The following HHLA2 variants were observed in gnomAD, a reference collection of about 807,000 sequenced individuals.
The protein encoded by HHLA2 is HERV-H LTR-associating protein 2.
Under a neutral mutation model 45.9 loss-of-function variants are expected in HHLA2, and 48 were observed. That is an observed-to-expected ratio of 1.05 (90% CI 0.83 to 1.33). The LOEUF (loss-of-function observed/expected upper bound fraction) is 1.33, where lower values mean the gene tolerates loss of function less well. HHLA2 is among the 40% of genes most tolerant of loss of function. The pLI, the probability that HHLA2 is intolerant of heterozygous loss-of-function variation, is 0.00. For missense variants in HHLA2, 462 were observed against 494.3 expected (o/e 0.93, Z 0.62); for synonymous variants, 161 against 173.9 (o/e 0.93, Z 0.59).
intron 8 of HHLA2, among the ~76,000 whole-genome samples, chr3:108,370,614 A>G (rs1429581046): frequency 6.6e-6 from 1 of 152,208 alleles, no homozygotes; most frequent in Non-Finnish European, 1.5e-5. Flanking sequence ...AGAATAACCA[A>G]TGCAGAGCAG....
At chr3:108,328,836 G>A (rs1362362616) in intron 3 of HHLA2, among the ~76,000 whole-genome samples, 5 of 152,040 alleles carry the variant, frequency 3.3e-5, no homozygotes, top group East Asian at 3.8e-4. Flanking sequence ...ATCTCAATTT[G>A]TGTTCACTCA....
At chr3:108,353,591 G>C (rs2081826787) in exon 5 of HHLA2, 1 of 1,613,740 alleles carries the variant, frequency 6.2e-7, no homozygotes, top group African/African-American at 1.3e-5. Flanking sequence ...TTACTACAAA[G>C]GCAGTGACCA....
At position 108,349,478 on chromosome 3, in the gene HHLA2, G is replaced by A. The variant is rs1315029637; in HGVS notation, c.-26-2310G>A. On this transcript the variant is annotated intron_variant, in intron 3 of 10. Coordinates refer to ENST00000619531, the Ensembl canonical transcript of HHLA2. ...AAATCCCTGAATAGACCAATAACAAGTTCTGAAATTGAGGCAGTAATTAAT... is the reference window on the plus strand; with the variant it reads ...AAATCCCTGAATAGACCAATAACAAATTCTGAAATTGAGGCAGTAATTAAT... Among the ~76,000 whole-genome samples the A allele has an allele frequency of 2.0e-5, 3 of 152,156 alleles. No individual in the cohort carries two copies. In the East Asian group the frequency reaches 5.8e-4, roughly 29 times the overall value.
intron 4 of HHLA2, among the ~76,000 whole-genome samples, chr3:108,352,315 GTCTT>G (rs988864804): frequency 2.0e-5 from 3 of 152,154 alleles, no homozygotes; most frequent in African/African-American, 7.2e-5. Flanking sequence ...ATCTTTCTGT[GTCTT>G]TCTTTCAGCA....
intron 3 of HHLA2, among the ~76,000 whole-genome samples, chr3:108,349,437 A>C (rs2081736685): frequency 6.6e-6 from 1 of 152,200 alleles, no homozygotes. Flanking sequence ...TCCCAAGTCT[A>C]AGCCAGGAAG....
At chr3:108,351,707 T>C in intron 3 of HHLA2, 81 bp from the exon 3 acceptor site, 1 of 773,314 alleles carries the variant, frequency 1.3e-6, no homozygotes, top group Non-Finnish European at 2.1e-6. Context: ...AAAACAATTA[T>C]TTGTATGAAT....
chr3:108,374,232 G>T (rs2107517433), intron 8 of HHLA2, among the ~76,000 whole-genome samples: 1 of 150,674 alleles, frequency 6.6e-6, no homozygotes, highest in Non-Finnish European at 1.5e-5. Context: ...ATGGGGAAAG[G>T]ATTCCCTATT....
At position 108,362,339 on chromosome 3, in the gene HHLA2, TAGAACC is replaced by T; in HGVS notation, c.1004-2_1007del. 6.3e-7 allele frequency: 1 copy of T among 1,599,670 alleles called. No individual in the cohort carries two copies. Reference sequence around the variant, plus strand: ...AGACTTTGTTTCTCCTTTTTTTTTTTAGAACCGAGCCAAGAAACAGCTTCCCATAAC... The same window carrying T: ...AGACTTTGTTTCTCCTTTTTTTTTTTGAGCCAAGAAACAGCTTCCCATAAC... On this transcript the variant is annotated splice_acceptor_variant and coding_sequence_variant, in exon 8 of 11. Coordinates refer to ENST00000619531, the Ensembl canonical transcript of HHLA2. LOFTEE classifies it high-confidence loss of function.
At chr3:108,354,608 T>TAC (rs1257728194) in intron 5 of HHLA2, among the ~76,000 whole-genome samples, 2 of 151,938 alleles carry the variant, frequency 1.3e-5, no homozygotes, top group East Asian at 1.9e-4. Context: ...TAGATATATA[T>TAC]ACACACACAC....
intron 8 of HHLA2, among the ~76,000 whole-genome samples, chr3:108,370,254 C>T (rs2082145387): frequency 6.6e-6 from 1 of 152,208 alleles, no homozygotes; most frequent in African/African-American, 2.4e-5. Context: ...AGACCTGCAG[C>T]TGAGGGTCCT....
At chr3:108,349,291 A>G (rs2081732451) in intron 3 of HHLA2, among the ~76,000 whole-genome samples, 1 of 152,192 alleles carries the variant, frequency 6.6e-6, no homozygotes, top group Admixed American at 6.5e-5. Flanking sequence ...AATAGACACA[A>G]TAAAAAATGA....
At chr3:108,361,875 C>T (rs1303391040) in intron 7 of HHLA2, among the ~76,000 whole-genome samples, 1 of 152,154 alleles carries the variant, frequency 6.6e-6, no homozygotes, top group Non-Finnish European at 1.5e-5. Context: ...AGACTGCACT[C>T]TTACTTCATC....
chr3:108,307,053 A>C (rs1244554386), intron 1 of HHLA2, among the ~76,000 whole-genome samples: 2 of 152,036 alleles, frequency 1.3e-5, no homozygotes, highest in African/African-American at 4.8e-5. Context: ...ACAGGGTTTC[A>C]CCACGTTGGC....
intron 3 of HHLA2, among the ~76,000 whole-genome samples, chr3:108,339,440 G>C (rs62266213): frequency 0.04 from 6,124 of 152,122 alleles, 182 homozygotes; most frequent in Non-Finnish European, 0.054. Flanking sequence ...TTACAAGCTT[G>C]AGCAAATTAC....
At chr3:108,316,628 G>A (rs1480968007) in intron 2 of HHLA2, among the ~76,000 whole-genome samples, 1 of 152,250 alleles carries the variant, frequency 6.6e-6, no homozygotes, top group East Asian at 1.9e-4. Context: ...AAGGGAGACA[G>A]TTACAGCTAG....
chr3:108,357,560 C>T (rs2081916141), intron 6 of HHLA2, among the ~76,000 whole-genome samples: 1 of 147,016 alleles, frequency 6.8e-6, no homozygotes, highest in Non-Finnish European at 1.5e-5. Context: ...TTCCTGAGTG[C>T]TTACTGTCAG....
At chr3:108,369,979 C>G (rs1029738147) in intron 8 of HHLA2, among the ~76,000 whole-genome samples, 2 of 152,210 alleles carry the variant, frequency 1.3e-5, no homozygotes, top group Admixed American at 6.5e-5. Context: ...TCTCCCAGCA[C>G]GCAGCTTGAG....
At chr3:108,370,491 A>T (rs1297276204) in intron 8 of HHLA2, among the ~76,000 whole-genome samples, 1 of 152,188 alleles carries the variant, frequency 6.6e-6, no homozygotes, top group Non-Finnish European at 1.5e-5. Context: ...GACTTTGACG[A>T]GTTGAGAGAA....
At chr3:108,325,694 C>A in intron 2 of HHLA2, 1 of 220,660 alleles carries the variant, frequency 4.5e-6, no homozygotes. Context: ...TCTCTACCTT[C>A]AAAATTGTTT....
Sources: allele counts gnomAD v4.1 joint callset (sites outside exome capture counted in the v4.1 genomes callset), GRCh38; gene constraint gnomAD v4.1.1; transcripts MANE v1.5; gene names NCBI Gene and HGNC (gene_info 2026-07-23, HGNC 2026-07-21).